Variants in NUP88 observed in about 807,000 individuals in gnomAD.
NUP88 encodes the protein nucleoporin 88, also known as nuclear pore complex protein Nup88.
A neutral mutation model predicts 93.9 loss-of-function variants in NUP88; 57 were observed. The observed-to-expected ratio is 0.61, with a 90% CI of 0.49 to 0.76. The LOEUF is 0.76. NUP88 is among the 30% of genes least tolerant of loss of function. NUP88 has a pLI of 0.00. For synonymous variants in NUP88, 346 were observed against 336.8 expected, an observed-to-expected ratio of 1.03 and a Z score of -0.30; for missense variants, 911 against 901.0, an observed-to-expected ratio of 1.01 and a Z score of -0.14.
chr17:5,419,401 G>T lies in NUP88; in HGVS notation c.250C>A (p.Arg84=). The change falls in exon 1 of 17, where the codon CGG becomes AGG. Residue 84 remains arginine, a synonymous_variant. Coordinates refer to ENST00000573584, the MANE Select transcript of NUP88 (RefSeq NM_002532.6). ...TCTTCGCCGCCGCCGCTGGGGCCCC[G>T]AAGGCGAACGACTAAGAAGGAGCTG... ...EDSSFLVVRL[R]GPSGGGEEPA... is the part of the protein sequence containing the mutation. The T allele has an allele frequency of 2.5e-6, 4 of 1,610,342 alleles. No individual in the cohort carries two copies. Among genetic ancestry groups the T allele is most frequent in the Non-Finnish European group, 3.4e-6 (4 of 1,177,706 alleles).
chr17:5,402,701 T>C (rs142976733), intron 7 of NUP88, among the ~76,000 whole-genome samples: 155 of 152,314 alleles, frequency 1.0e-3, no homozygotes, highest in Admixed American at 2.6e-3. Flanking sequence ...CACGATTTCA[T>C]TCTTTTTTAA....
chr17:5,413,338 G>A lies in NUP88; in HGVS notation c.593+671C>T, dbSNP rs573445355. On this transcript the variant is annotated intron_variant, in intron 3 of 16. Transcript: ENST00000573584. ...AGTAACGAGAAAGCTATGGGGATCTGTATAAGACATCATTAAGGGGTGAGT... is the reference window on the plus strand; with the variant it reads ...AGTAACGAGAAAGCTATGGGGATCTATATAAGACATCATTAAGGGGTGAGT... Among the ~76,000 whole-genome samples, 9 of 152,360 alleles carry A rather than the reference G, an allele frequency of 5.9e-5. No homozygotes were observed. In the South Asian group the frequency reaches 1.9e-3, roughly 32 times the overall value.
intron 4 of NUP88, among the ~76,000 whole-genome samples, chr17:5,410,371 C>T (rs1913761013): frequency 6.6e-6 from 1 of 152,106 alleles, no homozygotes; most frequent in Non-Finnish European, 1.5e-5. Context: ...AATGAAATCA[C>T]AATTTCATAT....
chr17:5,407,354 C>T (rs1913559254), intron 5 of NUP88, among the ~76,000 whole-genome samples: 1 of 152,218 alleles, frequency 6.6e-6, no homozygotes. Flanking sequence ...ATGCCCTGAG[C>T]ACATGACACT....
In NUP88 at chr17:5,394,951, A is replaced by C; in HGVS notation, c.1322T>G (p.Leu441Arg). The change falls in exon 9 of 17, where the codon CTC becomes CGC. Residue 441 changes from leucine (L) to arginine (R), a missense_variant. Physicochemically the swap from Leu to Arg is moderately radical, Grantham distance 102. Coordinates refer to ENST00000573584, the MANE Select transcript of NUP88 (RefSeq NM_002532.6). Reference protein sequence around the residue: ...DEEDKDSLQELSTEQKCFVEH... With the variant: ...DEEDKDSLQERSTEQKCFVEH... ...AACAAAGCATTTCTGTTCTGTAGAG[A>C]GTTCCTGTAAACTATCCTTATCTTC... 11 of 1,612,790 alleles carry C rather than the reference A, an allele frequency of 6.8e-6. No homozygotes were observed. The highest frequency in any genetic ancestry group is 9.3e-6 in the Non-Finnish European group (11 of 1,178,762).
At chr17:5,397,232 T>C (rs1912831026) in intron 8 of NUP88, among the ~76,000 whole-genome samples, 1 of 152,112 alleles carries the variant, frequency 6.6e-6, no homozygotes, top group Non-Finnish European at 1.5e-5. Flanking sequence ...CCCAGATACT[T>C]TGGGGGCTGA....
rs552584846 is a variant in NUP88 at position 5,386,122 on chromosome 17, A to G, written c.*84T>C. On this transcript the variant is annotated 3_prime_UTR_variant, in exon 17 of 17. Transcript: ENST00000573584. ...AAGGTCATCAAAACACCTTTTTATA[A>G]ATTAGATAATTCTACCTGTTTTACA... 6 of 1,019,042 alleles carry G rather than the reference A, an allele frequency of 5.9e-6. No individual in the cohort carries two copies. The African/African-American group carries it at 9.9e-5, about 17-fold the overall frequency. 63.1% of individuals were successfully genotyped at this position (1,019,042 alleles called of 1,614,324 possible). A position where few individuals can be genotyped will look rare whatever the true frequency, so the allele number is the denominator to read the frequency against.
In NUP88 at chr17:5,388,805, A is replaced by G. The variant is rs761674405; in HGVS notation, c.1640T>C (p.Leu547Ser). The G allele has an allele frequency of 1.9e-6, 3 of 1,613,154 alleles. No homozygotes were observed. The African/African-American group carries it at 4.0e-5, about 22-fold the overall frequency. The change falls in exon 11 of 17, where the codon TTG (leucine) becomes TCG (serine). Residue 547 changes from leucine to serine, a missense_variant. Leu to Ser is a moderately radical substitution (Grantham distance 145, BLOSUM62 -2). Transcript: ENST00000573584. ...CGCTATGCCCAAGGTTGCATACTTC[A>G]AAAATGCTGGATTGGCAACACTACG... ...LQRSVANPAF[L>S]KASEKDIAPP...
intron 5 of NUP88, among the ~76,000 whole-genome samples, chr17:5,407,153 T>C (rs1283970559): frequency 3.9e-5 from 6 of 152,234 alleles, no homozygotes; most frequent in Non-Finnish European, 4.4e-5. Context: ...CTCACCATTC[T>C]GTAACCTACC....
At chr17:5,414,815 G>A (rs1247607569) in intron 2 of NUP88, among the ~76,000 whole-genome samples, 1 of 151,318 alleles carries the variant, frequency 6.6e-6, no homozygotes, top group South Asian at 2.1e-4. Context: ...TACCCGTGAG[G>A]CTGAGGCAGA....
intron 8 of NUP88, among the ~76,000 whole-genome samples, chr17:5,399,198 T>A (rs1230597985): frequency 3.3e-5 from 5 of 150,340 alleles, no homozygotes; most frequent in Non-Finnish European, 7.4e-5. Context: ...GCCTTTTTTT[T>A]TTTTTTTTTT....
chr17:5,416,254 T>G (rs1281968199), intron 2 of NUP88, among the ~76,000 whole-genome samples: 1 of 150,458 alleles, frequency 6.6e-6, no homozygotes, highest in African/African-American at 2.4e-5. Context: ...AGATAACTGG[T>G]TTTACAAAAT....
chr17:5,414,052 G>A lies in NUP88; in HGVS notation c.550C>T (p.Leu184=), dbSNP rs770796806. 1.4e-5 allele frequency: 23 copies of A among 1,613,614 alleles called. 1 individual carries two copies. In the South Asian group the frequency reaches 2.5e-4, roughly 18 times the overall value. ...GTTAACAGCACTACGTGGGGATCCA[G>A]GATTTCACTTGGATACCATGCAGCA... ...KHAAWYPSEI[L]DPHVVLLTSD... The change falls in exon 3 of 17, where the codon CTG becomes TTG. Residue 184 remains leucine (L), a synonymous_variant. Coordinates refer to ENST00000573584, the MANE Select transcript of NUP88 (RefSeq NM_002532.6).
intron 7 of NUP88, among the ~76,000 whole-genome samples, chr17:5,403,767 G>A (rs947574145): frequency 5.3e-5 from 8 of 152,172 alleles, no homozygotes; most frequent in Non-Finnish European, 5.9e-5. Context: ...GGGAGTGTAG[G>A]TATCCCTTCA....
In NUP88 at chr17:5,408,899, T is replaced by C. The variant is rs777141406; in HGVS notation, c.691A>G (p.Thr231Ala). The C allele has an allele frequency of 1.5e-5, 23 of 1,578,752 alleles. No individual in the cohort carries two copies. The highest frequency in any genetic ancestry group is 8.0e-5 in the Admixed American group (4 of 50,182). Residue 231 changes from threonine (T) to alanine (A), a missense_variant, in exon 5 of 17, where the codon ACC becomes GCC. Thr to Ala is a moderately conservative substitution (Grantham distance 58). Coordinates refer to ENST00000573584, the MANE Select transcript of NUP88 (RefSeq NM_002532.6). Reference protein sequence around the residue: ...SLVLNKGRAYTASLGETAVAF... With the variant: ...SLVLNKGRAYAASLGETAVAF... ...ACTGCTGTCTCTCCTAGAGATGCGGTATACGCCCTTCTGGAAAGAGATGTA... is the reference window on the plus strand; with the variant it reads ...ACTGCTGTCTCTCCTAGAGATGCGGCATACGCCCTTCTGGAAAGAGATGTA...
Position 5,419,374 on chromosome 17 carries a change from G to T in NUP88, c.277C>A (p.Pro93Thr). ...LRGPSGGGEEPALSQYQRLLC... is the reference protein window; with the variant it reads ...LRGPSGGGEETALSQYQRLLC... ...ATTACCTGGTACTGGGACAGGGCGG[G>T]CTCTTCGCCGCCGCCGCTGGGGCCC... Residue 93 changes from proline (P) to threonine (T), a missense_variant, in exon 1 of 17, where the codon CCC (proline) becomes ACC (threonine). Pro to Thr is a conservative substitution (Grantham distance 38). Coordinates refer to ENST00000573584, the MANE Select transcript of NUP88 (RefSeq NM_002532.6). 2 of 1,600,864 alleles carry T rather than the reference G, an allele frequency of 1.2e-6. No homozygotes were observed. The highest frequency in any genetic ancestry group is 2.2e-5 in the East Asian group (1 of 44,708).
At chr17:5,412,192 C>T (rs905679701) in intron 3 of NUP88, among the ~76,000 whole-genome samples, 2 of 152,300 alleles carry the variant, frequency 1.3e-5, no homozygotes, top group South Asian at 4.1e-4. Context: ...CCTTTTCCAT[C>T]ATAGCATATA....
At chr17:5,418,962 C>T (rs976892001) in intron 1 of NUP88, among the ~76,000 whole-genome samples, 2 of 152,184 alleles carry the variant, frequency 1.3e-5, no homozygotes, top group African/African-American at 4.8e-5. Context: ...TGCTTTGAAA[C>T]CTGCAACCTG....
At chr17:5,399,242 A>T in intron 8 of NUP88, among the ~76,000 whole-genome samples, 1 of 88,762 alleles carries the variant, frequency 1.1e-5, no homozygotes. Context: ...TGATTGAGTC[A>T]GTTTTGGTAG....
Sources: allele counts gnomAD v4.1 joint callset (sites outside exome capture counted in the v4.1 genomes callset), GRCh38; gene constraint gnomAD v4.1.1; transcripts MANE v1.5; gene names NCBI Gene and HGNC (gene_info 2026-07-23, HGNC 2026-07-21).